PPP1R37: variants seen among roughly 807,000 people sequenced by gnomAD.
The protein encoded by PPP1R37 is protein phosphatase 1 regulatory subunit 37.
A neutral mutation model predicts 61.0 loss-of-function variants in PPP1R37; 21 were observed. The observed-to-expected ratio is 0.34, with a 90% CI of 0.24 to 0.50. PPP1R37 has a LOEUF of 0.50. PPP1R37 is among the 20% of genes least tolerant of loss of function. The pLI, the probability that PPP1R37 is intolerant of heterozygous loss-of-function variation, is 0.98. For synonymous variants in PPP1R37, 443 were observed against 433.5 expected, an observed-to-expected ratio of 1.02 and a Z score of -0.27; for missense variants, 910 against 952.7, an observed-to-expected ratio of 0.96 and a Z score of 0.59.
At chr19:45,113,879 C>T (rs1968232053) in intron 1 of PPP1R37, among the ~76,000 whole-genome samples, 1 of 152,190 alleles carries the variant, frequency 6.6e-6, no homozygotes, top group South Asian at 2.1e-4. Context: ...GTGTGGTCAG[C>T]GTTTCAGAGC....
intron 1 of PPP1R37, among the ~76,000 whole-genome samples, chr19:45,101,049 C>T (rs1040724549): frequency 6.6e-6 from 1 of 152,202 alleles, no homozygotes; most frequent in Non-Finnish European, 1.5e-5. Flanking sequence ...GGGCAGAAGA[C>T]AGGCCCAGTC....
At chr19:45,115,235 C>G (rs184158404) in intron 1 of PPP1R37, among the ~76,000 whole-genome samples, 1 of 152,294 alleles carries the variant, frequency 6.6e-6, no homozygotes, top group Admixed American at 6.5e-5. Context: ...TAAACCAAGG[C>G]TGGAACAGAG....
chr19:45,115,564 C>T (rs371302172), intron 1 of PPP1R37, among the ~76,000 whole-genome samples: 14 of 152,264 alleles, frequency 9.2e-5, no homozygotes, highest in African/African-American at 1.9e-4. Flanking sequence ...GATTCTGTGG[C>T]CTCAGTTTCC....
intron 1 of PPP1R37, among the ~76,000 whole-genome samples, chr19:45,107,695 G>A (rs1968150199): frequency 6.6e-6 from 1 of 152,204 alleles, no homozygotes; most frequent in Non-Finnish European, 1.5e-5. Flanking sequence ...CTTCTCAGCT[G>A]AGCGATTTGC....
chr19:45,140,226 A>G lies in PPP1R37; in HGVS notation c.301-10A>G, dbSNP rs1356006566. 6.5e-6 allele frequency: 10 copies of G among 1,535,252 alleles called. No individual in the cohort carries two copies. The highest frequency in any genetic ancestry group is 2.7e-5 in the African/African-American group (2 of 72,936). On this transcript the variant is annotated splice_polypyrimidine_tract_variant and intron_variant, in intron 2 of 12. Coordinates refer to ENST00000221462, the MANE Select transcript of PPP1R37 (RefSeq NM_019121.2). Reference sequence around the variant, plus strand: ...TGTCTTCCTGCCTTAACCCCACTCTACTTTCTCAGGAATTCACAGACCTCG... The same window carrying G: ...TGTCTTCCTGCCTTAACCCCACTCTGCTTTCTCAGGAATTCACAGACCTCG...
intron 1 of PPP1R37, among the ~76,000 whole-genome samples, chr19:45,103,416 G>A (rs559246109): frequency 1.5e-4 from 23 of 152,328 alleles, no homozygotes; most frequent in African/African-American, 4.1e-4. Flanking sequence ...TTAGGTGGGC[G>A]GGCTCCTCTA....
rs1286734037 is a variant in PPP1R37, at chr19:45,145,813, C to T, written c.1757C>T (p.Ser586Phe). 12 of 513,930 alleles carry T rather than the reference C, an allele frequency of 2.3e-5. No homozygotes were observed. The highest frequency in any genetic ancestry group is 1.0e-4 in the Admixed American group (3 of 29,530). 31.8% of individuals were successfully genotyped at this position (513,930 alleles called of 1,614,324 possible). The change falls in exon 11 of 13, where the codon TCC (serine) becomes TTC (phenylalanine). Residue 586 changes from serine (S) to phenylalanine (F), a missense_variant. Ser to Phe is a radical substitution (Grantham distance 155). Transcript: ENST00000221462. ...SPPERAEPPA[S>F]PTPPSPPPPP... ...CCCGAGAGGGCAGAGCCCCCTGCGT[C>T]CCCCACCCCTCCCTCTCCCCCACCC...
chr19:45,147,231 G>C lies in PPP1R37; in HGVS notation c.*669G>C, dbSNP rs1968716260. 1 of 152,396 alleles carries C rather than the reference G, an allele frequency of 6.6e-6. No homozygotes were observed. Among genetic ancestry groups the C allele is most frequent in the Non-Finnish European group, 1.5e-5 (1 of 68,202 alleles). The allele number at this position is 152,396 out of a possible 1,614,324, so 9.4% of individuals were successfully genotyped here. A position where few individuals can be genotyped will look rare whatever the true frequency, so the allele number is the denominator to read the frequency against. On this transcript the variant is annotated 3_prime_UTR_variant, in exon 13 of 13. Coordinates refer to ENST00000221462, the MANE Select transcript of PPP1R37 (RefSeq NM_019121.2). ...TGGGCAGAGGGCTGGGGCTACTCCT[G>C]TCGGTGCAACTCTGTTCACACCTTT...
In PPP1R37 at chr19:45,145,609, A is replaced by G; in HGVS notation, c.1553A>G (p.Glu518Gly). The G allele has an allele frequency of 6.5e-7, 1 of 1,535,900 alleles. No homozygotes were observed. The highest frequency in any genetic ancestry group is 8.7e-7 in the Non-Finnish European group (1 of 1,146,810). ...GACTCGGATGGGGAGGAAGAGGAGG[A>G]AGAGGAAGGGGAGAGGGACGAGACC... is the stretch of plus-strand genomic sequence containing the variant. ...DSDSDGEEEE[E>G]EEGERDETPC... Residue 518 changes from glutamate to glycine, a missense_variant, in exon 11 of 13, where the codon GAA becomes GGA. Coordinates refer to ENST00000221462, the MANE Select transcript of PPP1R37 (RefSeq NM_019121.2).
chr19:45,145,561 G>A lies in PPP1R37; in HGVS notation c.1505G>A (p.Ser502Asn). Reference sequence around the variant, plus strand: ...AACGGGGCCCCCAGCCCCGCACCCAGCCCGGACTCAGACTCAGACTCGGAC... The same window carrying A: ...AACGGGGCCCCCAGCCCCGCACCCAACCCGGACTCAGACTCAGACTCGGAC... ...VQNGAPSPAP[S>N]PDSDSDSDSD... Residue 502 changes from serine (S) to asparagine (N), a missense_variant, in exon 11 of 13, where the codon AGC (serine) becomes AAC (asparagine). Coordinates refer to ENST00000221462, the MANE Select transcript of PPP1R37 (RefSeq NM_019121.2). 6.5e-7 allele frequency: 1 copy of A among 1,535,400 alleles called. No individual in the cohort carries two copies. The highest frequency in any genetic ancestry group is 8.7e-7 in the Non-Finnish European group (1 of 1,146,604).
chr19:45,106,275 C>T (rs1342025060), intron 1 of PPP1R37, among the ~76,000 whole-genome samples: 1 of 152,002 alleles, frequency 6.6e-6, no homozygotes, highest in African/African-American at 2.4e-5. Flanking sequence ...GAGTTTCGCT[C>T]TTGTTGCCCA....
chr19:45,129,582 C>T (rs1460635607), intron 1 of PPP1R37, among the ~76,000 whole-genome samples: 3 of 152,168 alleles, frequency 2.0e-5, no homozygotes, highest in Non-Finnish European at 2.9e-5. Flanking sequence ...CAGGTGTGAG[C>T]CACTGAGCCC....
intron 1 of PPP1R37, among the ~76,000 whole-genome samples, chr19:45,134,555 T>C (rs1467788431): frequency 6.6e-6 from 1 of 151,768 alleles, no homozygotes; most frequent in Non-Finnish European, 1.5e-5. Context: ...TTTGGTGTGC[T>C]CATTCCTTTT....
In PPP1R37 at chr19:45,145,116, C is replaced by A. The variant is rs1968670696; in HGVS notation, c.1152C>A (p.Phe384Leu). The A allele has an allele frequency of 3.3e-6, 5 of 1,533,932 alleles. No individual in the cohort carries two copies. The highest frequency in any genetic ancestry group is 1.7e-4 in the Middle Eastern group (1 of 5,982). ...TCEGAVAVAEFIAESPRLLRL... is the reference protein window; with the variant it reads ...TCEGAVAVAELIAESPRLLRL... ...CAGGCGCGGTGGCGGTGGCGGAGTT[C>A]ATCGCTGAGAGCCCCCGCCTCCTGA... The change falls in exon 10 of 13, where the codon TTC becomes TTA. Residue 384 changes from phenylalanine (F) to leucine (L), a missense_variant. Phe to Leu is a conservative substitution (Grantham distance 22). This residue lies in a region of PPP1R37 where 549 missense variants were observed against 505.1 expected (regional missense o/e 1.09). Transcript: ENST00000221462.
At chr19:45,143,321 G>A (rs1432425778) in intron 7 of PPP1R37, 200 bp from the exon 8 acceptor site, 1 of 530,866 alleles carries the variant, frequency 1.9e-6, no homozygotes, top group Non-Finnish European at 3.4e-6. Context: ...TCTGGTGGAG[G>A]CTGTCATCCA....
intron 1 of PPP1R37, among the ~76,000 whole-genome samples, chr19:45,101,166 AG>A (rs1314132039): frequency 6.6e-6 from 1 of 152,196 alleles, no homozygotes; most frequent in African/African-American, 2.4e-5. Flanking sequence ...CAGGGTGTGC[AG>A]GAGGGCAGGG....
rs1273868080 is a variant in PPP1R37 at position 45,130,498 on chromosome 19, G to A, written c.203-8016G>A. Among the ~76,000 whole-genome samples, 2 of 152,098 alleles carry A rather than the reference G, an allele frequency of 1.3e-5. No homozygotes were observed. Among genetic ancestry groups the A allele is most frequent in the Admixed American group, 1.3e-4 (2 of 15,274 alleles). On this transcript the variant is annotated intron_variant, in intron 1 of 12. Coordinates refer to ENST00000221462, the MANE Select transcript of PPP1R37 (RefSeq NM_019121.2). This position sits in a 1 kb window ranked among gnomAD's most constrained non-coding sequence, Gnocchi z 4.4. ...TGCCCCAGTGGTTGCTGCCTGCCAC[G>A]GGGTTTGCACAGGGACTGCGCAGTG... is the stretch of plus-strand genomic sequence containing the variant.
chr19:45,133,541 A>G (rs966776368), intron 1 of PPP1R37, among the ~76,000 whole-genome samples: 1 of 152,154 alleles, frequency 6.6e-6, no homozygotes, highest in Admixed American at 6.5e-5. Context: ...ACCACTGCGC[A>G]GCCCTTCCCT....
chr19:45,141,914 T>C (rs1263639960), intron 5 of PPP1R37, 147 bp from the exon 6 acceptor site: 1 of 916,550 alleles, frequency 1.1e-6, no homozygotes. Flanking sequence ...CAAGGCGACA[T>C]AGCCAGACGA....
Sources: allele counts gnomAD v4.1 joint callset (sites outside exome capture counted in the v4.1 genomes callset), GRCh38; gene constraint gnomAD v4.1.1; regional missense constraint gnomAD v4.1.1; non-coding constraint Gnocchi (gnomAD v3.1); transcripts MANE v1.5; gene names NCBI Gene and HGNC (gene_info 2026-07-23, HGNC 2026-07-21).